Variants in SLC43A2 observed in about 807,000 individuals in gnomAD.
The protein encoded by SLC43A2 is solute carrier family 43 member 2, also known as large neutral amino acids transporter small subunit 4.
A neutral mutation model predicts 63.2 loss-of-function variants in SLC43A2; 38 were observed. That is an observed-to-expected ratio of 0.60 (90% CI 0.46 to 0.79). The LOEUF is 0.79. SLC43A2 is among the 30% of genes least tolerant of loss of function. SLC43A2 has a pLI of 0.00. For missense variants in SLC43A2, 644 were observed against 756.2 expected (o/e 0.85, Z 1.74); for synonymous variants, 322 against 331.0 (o/e 0.97, Z 0.30).
intron 2 of SLC43A2, among the ~76,000 whole-genome samples, chr17:1,622,073 C>T (rs1441112465): frequency 2.6e-5 from 4 of 152,188 alleles, no homozygotes; most frequent in Non-Finnish European, 4.4e-5. Flanking sequence ...AATGAGGTCA[C>T]GAACCAAGAA....
chr17:1,589,123 G>C (rs1904507618), intron 9 of SLC43A2, among the ~76,000 whole-genome samples: 1 of 152,230 alleles, frequency 6.6e-6, no homozygotes, highest in African/African-American at 2.4e-5. Context: ...TCCTGGCCTG[G>C]CTTCCTCTAC....
At chr17:1,589,821 A>G (rs1187871224) in intron 9 of SLC43A2, among the ~76,000 whole-genome samples, 1 of 152,024 alleles carries the variant, frequency 6.6e-6, no homozygotes, top group Non-Finnish European at 1.5e-5. Context: ...GGGTTTCACA[A>G]TCTTGGCCAG....
At chr17:1,628,004 C>A in intron 1 of SLC43A2, 84 bp from the exon 2 acceptor site, 4 of 1,212,630 alleles carry the variant, frequency 3.3e-6, no homozygotes, top group Non-Finnish European at 3.1e-6. Context: ...TGCCGCAGGG[C>A]TCGGGATTGC....
In SLC43A2 at chr17:1,599,936, C is replaced by T. The variant is rs568519927; in HGVS notation, c.502-6657G>A. Among the ~76,000 whole-genome samples, 17 of 142,068 alleles carry T rather than the reference C, an allele frequency of 1.2e-4. No homozygotes were observed. The South Asian group carries it at 2.8e-3, about 23-fold the overall frequency. The allele number at this position is 142,068 out of a possible 152,430, so 93.2% of individuals were successfully genotyped here. A position where few individuals can be genotyped will look rare whatever the true frequency, so the allele number is the denominator to read the frequency against. On this transcript the variant is annotated intron_variant, in intron 5 of 13. Coordinates refer to ENST00000301335, the MANE Select transcript of SLC43A2 (RefSeq NM_152346.3). Reference sequence around the variant, plus strand: ...GCGGGCGCCTGTAGTCCCAGCTACTCGGGAGGCTGAGACGGGAGAATGGCG... The same window carrying T: ...GCGGGCGCCTGTAGTCCCAGCTACTTGGGAGGCTGAGACGGGAGAATGGCG...
intron 2 of SLC43A2, among the ~76,000 whole-genome samples, chr17:1,625,026 A>G (rs1478343318): frequency 6.6e-6 from 1 of 152,174 alleles, no homozygotes; most frequent in Admixed American, 6.5e-5. Flanking sequence ...TTGCCATCCC[A>G]GAGGCCAAGA....
At chr17:1,604,748 G>C in intron 5 of SLC43A2, 1 of 1,535,792 alleles carries the variant, frequency 6.5e-7, no homozygotes, top group Non-Finnish European at 8.7e-7. Context: ...ACCTCCTGCT[G>C]TTGCCTTCGG....
At chr17:1,620,374 CACAA>C (rs933961491) in intron 2 of SLC43A2, among the ~76,000 whole-genome samples, 6 of 152,078 alleles carry the variant, frequency 3.9e-5, no homozygotes, top group East Asian at 1.9e-4. Flanking sequence ...TCTCCAAACA[CACAA>C]ACAAACAAAC....
In SLC43A2 at chr17:1,594,644, G is replaced by A. The variant is rs190877088; in HGVS notation, c.502-1365C>T. Reference sequence around the variant, plus strand: ...GCTCTTTCGCCCAGGCTGTACTGCAGTGGCTCTATCTCGGCTCACTGCAAG... The same window carrying A: ...GCTCTTTCGCCCAGGCTGTACTGCAATGGCTCTATCTCGGCTCACTGCAAG... On this transcript the variant is annotated intron_variant, in intron 5 of 13. Transcript: ENST00000301335. 1.5e-3 allele frequency among the ~76,000 whole-genome samples: 197 copies of A among 133,508 alleles called. 7 individuals carry two copies. In the East Asian group the frequency reaches 0.039, roughly 26 times the overall value. The allele number at this position is 133,508 out of a possible 152,430, so 87.6% of individuals were successfully genotyped here.
intron 5 of SLC43A2, among the ~76,000 whole-genome samples, chr17:1,600,516 C>A (rs1402969560): frequency 2.1e-5 from 3 of 142,694 alleles, no homozygotes; most frequent in Non-Finnish European, 4.5e-5. Flanking sequence ...AAGAGACATT[C>A]TAAATCTCAT....
In SLC43A2 at chr17:1,613,278, G is replaced by A; in HGVS notation, c.425-7C>T. The A allele has an allele frequency of 6.2e-7, 1 of 1,614,046 alleles. No homozygotes were observed. The highest frequency in any genetic ancestry group is 8.5e-7 in the Non-Finnish European group (1 of 1,179,970). ...AAGATGAGCACGGAGAGAGCTGCAG[G>A]GACATGGAAAGCTCGTGAGTGGAGA... On this transcript the variant is annotated splice_polypyrimidine_tract_variant and splice_region_variant and intron_variant, in intron 4 of 13. Coordinates refer to ENST00000301335, the MANE Select transcript of SLC43A2 (RefSeq NM_152346.3).
chr17:1,621,389 G>T (rs2151080449), intron 2 of SLC43A2, among the ~76,000 whole-genome samples: 1 of 152,272 alleles, frequency 6.6e-6, no homozygotes, highest in Non-Finnish European at 1.5e-5. Flanking sequence ...CAGGGTGCGG[G>T]CCCCTGGACA....
At chr17:1,629,565 C>T (rs2151088353), upstream of SLC43A2, among the ~76,000 whole-genome samples, 1 of 152,298 alleles carries the variant, frequency 6.6e-6, no homozygotes, top group African/African-American at 2.4e-5. Flanking sequence ...TCTGTCCCGT[C>T]CTAGGATGGG....
chr17:1,575,261 C>T lies in SLC43A2; in HGVS notation c.*343G>A. Reference sequence around the variant, plus strand: ...AGGCAGGGGATGGCAGCCCCCTCTGCTTTGGCAAGAGGCAGAATCCAGACA... The same window carrying T: ...AGGCAGGGGATGGCAGCCCCCTCTGTTTTGGCAAGAGGCAGAATCCAGACA... On this transcript the variant is annotated 3_prime_UTR_variant, in exon 14 of 14. Coordinates refer to ENST00000301335, the MANE Select transcript of SLC43A2 (RefSeq NM_152346.3). 2.5e-6 allele frequency: 1 copy of T among 397,224 alleles called. No homozygotes were observed. Among genetic ancestry groups the T allele is most frequent in the South Asian group, 2.3e-5 (1 of 42,592 alleles). The allele number at this position is 397,224 out of a possible 1,614,324, so 24.6% of individuals were successfully genotyped here. A position where few individuals can be genotyped will look rare whatever the true frequency, so the allele number is the denominator to read the frequency against.
chr17:1,626,976 G>A (rs1908716774), intron 2 of SLC43A2, among the ~76,000 whole-genome samples: 1 of 152,184 alleles, frequency 6.6e-6, no homozygotes, highest in Non-Finnish European at 1.5e-5. Flanking sequence ...AGGTAAGTGT[G>A]TGTTGGGTGG....
Position 1,573,319 on chromosome 17 carries a change from G to GT in SLC43A2, c.*2284_*2285insA, listed in dbSNP as rs1305695273. The GT allele has an allele frequency of 6.6e-6, 1 of 152,240 alleles. No individual in the cohort carries two copies. The highest frequency in any genetic ancestry group is 1.5e-5 in the Non-Finnish European group (1 of 68,090). 9.4% of individuals were successfully genotyped at this position (152,240 alleles called of 1,614,324 possible). ...GAGTCACCGGTCAGCGGCAAGACCT[G>GT]GAGTCTCCATTTGGAACCAGCACCC... On this transcript the variant is annotated 3_prime_UTR_variant, in exon 14 of 14. Transcript: ENST00000301335.
At chr17:1,585,294 T>C in intron 10 of SLC43A2, 2 of 959,978 alleles carry the variant, frequency 2.1e-6, no homozygotes, top group Non-Finnish European at 2.5e-6. Context: ...AGGCTGGAAG[T>C]GCAATGGCGT....
chr17:1,594,967 C>T (rs1187141313), intron 5 of SLC43A2, among the ~76,000 whole-genome samples: 1 of 151,982 alleles, frequency 6.6e-6, no homozygotes, highest in Non-Finnish European at 1.5e-5. Flanking sequence ...CCTTTGACCT[C>T]AGAGTTTAAG....
intron 10 of SLC43A2, among the ~76,000 whole-genome samples, chr17:1,584,528 G>A (rs564762948): frequency 5.9e-5 from 9 of 152,244 alleles, no homozygotes; most frequent in East Asian, 3.9e-4. Flanking sequence ...GGAAAACAGC[G>A]TTTGGCTGGG....
At chr17:1,591,533 G>C (rs767734319) in intron 7 of SLC43A2, 33 bp downstream of exon 7, 1 of 1,584,710 alleles carries the variant, frequency 6.3e-7, no homozygotes, top group Non-Finnish European at 8.6e-7. Flanking sequence ...GGCGGGGGCT[G>C]GGGGCAGGCG....
Sources: gnomAD v4.1 joint callset for allele counts (sites outside exome capture counted in the v4.1 genomes callset) on GRCh38, gnomAD v4.1.1 for gene constraint, MANE v1.5 for transcripts, NCBI Gene and HGNC (gene_info 2026-07-23, HGNC 2026-07-21) for gene names.